RBM27: variants seen among roughly 807,000 people sequenced by gnomAD.
RBM27 encodes RNA-binding protein 27.
A neutral mutation model predicts 135.3 loss-of-function variants in RBM27; 22 were observed. That is an observed-to-expected ratio of 0.16 (90% CI 0.12 to 0.23). The LOEUF is 0.23. RBM27 is among the 10% of genes least tolerant of loss of function. The probability of loss-of-function intolerance (pLI) is 1.00; values close to 1 mark genes in which losing one functional copy is unlikely to be tolerated. For missense variants in RBM27, 1,009 were observed against 1,281.0 expected (o/e 0.79, Z 3.24); for synonymous variants, 481 against 442.4 (o/e 1.09, Z -1.10).
intron 3 of RBM27, among the ~76,000 whole-genome samples, chr5:146,227,934 TG>T (rs1237821989): frequency 6.6e-6 from 1 of 152,188 alleles, no homozygotes; most frequent in Non-Finnish European, 1.5e-5. Context: ...ACGTTTCCTA[TG>T]GAATAAATCT....
chr5:146,226,533 C>T (rs1461147542), intron 3 of RBM27, among the ~76,000 whole-genome samples: 4 of 151,874 alleles, frequency 2.6e-5, no homozygotes, highest in Non-Finnish European at 1.5e-5. Context: ...TGCCCACCAC[C>T]ACTCCTGGCT....
intron 2 of RBM27, among the ~76,000 whole-genome samples, chr5:146,222,669 G>C (rs1447428564): frequency 1.3e-5 from 2 of 152,150 alleles, no homozygotes; most frequent in South Asian, 4.1e-4. Context: ...GGGCAACAGA[G>C]CAAGATTCTG....
intron 8 of RBM27, among the ~76,000 whole-genome samples, chr5:146,248,074 C>A (rs1226587848): frequency 6.6e-6 from 1 of 151,648 alleles, no homozygotes; most frequent in African/African-American, 2.4e-5. Context: ...GAGTTGATTC[C>A]CTAGTTTTTT....
chr5:146,250,297 C>T (rs1757825087), intron 8 of RBM27, among the ~76,000 whole-genome samples: 1 of 151,732 alleles, frequency 6.6e-6, no homozygotes, highest in Non-Finnish European at 1.5e-5. Context: ...AAAAATTAGC[C>T]AGGCATGGTG....
In RBM27 at chr5:146,269,558, C is replaced by T. The variant is rs759913504; in HGVS notation, c.2665C>T (p.Pro889Ser). The change falls in exon 17 of 21, where the codon CCA (proline) becomes TCA (serine). Residue 889 changes from proline to serine, a missense_variant. By Grantham distance (74) the Pro-to-Ser change is moderately conservative (BLOSUM62 -1). Coordinates refer to ENST00000265271, the MANE Select transcript of RBM27 (RefSeq NM_018989.2). ...AAAAACATCTTCTGCAGTCTCCACA[C>T]CATCTAAAGTGAAGACAAAAACGGA... ...ELKTSSAVST[P>S]SKVKTKTEAQ... 6.4e-7 allele frequency: 1 copy of T among 1,551,346 alleles called. No homozygotes were observed. The highest frequency in any genetic ancestry group is 2.3e-5 in the Admixed American group (1 of 43,040).
chr5:146,216,524 A>G (rs1756200699), intron 1 of RBM27, among the ~76,000 whole-genome samples: 1 of 152,178 alleles, frequency 6.6e-6, no homozygotes, highest in Non-Finnish European at 1.5e-5. Flanking sequence ...AACACTTAAG[A>G]TCTACTCTCT....
intron 3 of RBM27, among the ~76,000 whole-genome samples, chr5:146,224,766 T>C (rs759004858): frequency 1.3e-5 from 2 of 151,962 alleles, no homozygotes; most frequent in Non-Finnish European, 2.9e-5. Context: ...TTCGATGGAG[T>C]TGGAGTCTCC....
At chr5:146,223,372 G>T (rs756725723) in intron 2 of RBM27, 31 bp from the exon 3 acceptor site, 1 of 1,552,482 alleles carries the variant, frequency 6.4e-7, no homozygotes, top group Non-Finnish European at 8.6e-7. Flanking sequence ...TTTTGTTTGC[G>T]CAATATGTAA....
chr5:146,267,528 AAAAG>A, intron 14 of RBM27, 117 bp from the exon 15 acceptor site: 1 of 631,070 alleles, frequency 1.6e-6, no homozygotes, highest in Non-Finnish European at 2.6e-6. Context: ...TTTAAATGTA[AAAAG>A]AAAATTTAAC....
intron 8 of RBM27, among the ~76,000 whole-genome samples, chr5:146,238,724 A>G (rs1012832876): frequency 1.3e-5 from 2 of 149,204 alleles, no homozygotes; most frequent in Non-Finnish European, 3.0e-5. Flanking sequence ...GTAACTATGT[A>G]TATCATAAAG....
intron 3 of RBM27, among the ~76,000 whole-genome samples, chr5:146,227,773 T>G (rs1310787500): frequency 6.6e-6 from 1 of 152,138 alleles, no homozygotes; most frequent in African/African-American, 2.4e-5. Context: ...AAAATAAAAA[T>G]TACTGTTCTC....
chr5:146,259,980 A>AG (rs1022872704), intron 11 of RBM27, among the ~76,000 whole-genome samples: 1 of 57,950 alleles, frequency 1.7e-5, no homozygotes, highest in African/African-American at 7.0e-5. Context: ...ACTCCGTCTC[A>AG]AAAAAAAAAA....
intron 14 of RBM27, among the ~76,000 whole-genome samples, chr5:146,265,802 C>A (rs1758588735): frequency 6.6e-6 from 1 of 152,120 alleles, no homozygotes; most frequent in Admixed American, 6.5e-5. Flanking sequence ...ACACTGATGT[C>A]CTTGACAACT....
chr5:146,280,784 G>A (rs1759309390), intron 19 of RBM27, among the ~76,000 whole-genome samples: 1 of 152,168 alleles, frequency 6.6e-6, no homozygotes, highest in Admixed American at 6.5e-5. Flanking sequence ...TAGAAATAAG[G>A]TGGTGCTATG....
At chr5:146,234,741 A>G (rs909072032) in intron 7 of RBM27, among the ~76,000 whole-genome samples, 8 of 152,090 alleles carry the variant, frequency 5.3e-5, no homozygotes, top group Non-Finnish European at 8.8e-5. Context: ...ACATTAAAAG[A>G]TGGCAAATTA....
chr5:146,210,702 C>G (rs1377435566), intron 1 of RBM27, among the ~76,000 whole-genome samples: 1 of 152,164 alleles, frequency 6.6e-6, no homozygotes, highest in African/African-American at 2.4e-5. Context: ...AATCCCAGCA[C>G]TTTGGGAGGC....
intron 1 of RBM27, among the ~76,000 whole-genome samples, chr5:146,218,372 C>T (rs942165473): frequency 2.6e-5 from 4 of 152,266 alleles, no homozygotes; most frequent in South Asian, 4.1e-4. Context: ...CTTCTCTTTT[C>T]CTTTCTGTTT....
At chr5:146,236,150 A>G (rs1757151326) in intron 7 of RBM27, among the ~76,000 whole-genome samples, 1 of 152,252 alleles carries the variant, frequency 6.6e-6, no homozygotes, top group African/African-American at 2.4e-5. Flanking sequence ...GTTAAATTCA[A>G]GAATACCATT....
chr5:146,215,899 C>T (rs191704302), intron 1 of RBM27, among the ~76,000 whole-genome samples: 1 of 151,898 alleles, frequency 6.6e-6, no homozygotes, highest in African/African-American at 2.4e-5. Context: ...TACAGGTGCA[C>T]ACCACCACGC....
Sources: gnomAD v4.1 joint callset for allele counts (sites outside exome capture counted in the v4.1 genomes callset) on GRCh38, gnomAD v4.1.1 for gene constraint, MANE v1.5 for transcripts, NCBI Gene and HGNC (gene_info 2026-07-23, HGNC 2026-07-21) for gene names.